SPATA13: variants seen among roughly 807,000 people sequenced by gnomAD.
SPATA13 encodes the protein spermatogenesis associated 13.
A neutral mutation model predicts 104.0 loss-of-function variants in SPATA13; 50 were observed. The observed-to-expected ratio is 0.48, with a 90% CI of 0.38 to 0.61. The LOEUF (loss-of-function observed/expected upper bound fraction) is 0.61, where lower values mean the gene tolerates loss of function less well. Among genes scored for constraint, SPATA13 ranks in the 20% least tolerant of loss-of-function variants. SPATA13 has a pLI of 0.00. For synonymous variants in SPATA13, 606 were observed against 667.5 expected, an observed-to-expected ratio of 0.91 and a Z score of 1.42; for missense variants, 1,524 against 1,690.6, an observed-to-expected ratio of 0.90 and a Z score of 1.73.
At chr13:24,290,363 G>A (rs889917666) in intron 8 of SPATA13, among the ~76,000 whole-genome samples, 3 of 152,202 alleles carry the variant, frequency 2.0e-5, no homozygotes, top group African/African-American at 7.2e-5. Context: ...CTTCCAGGAT[G>A]AGCGTGAGGC....
In SPATA13 at chr13:24,294,873, G is replaced by A; in HGVS notation, c.3210+5G>A. On this transcript the variant is annotated splice_donor_5th_base_variant and intron_variant, in intron 10 of 12. Coordinates refer to ENST00000382108, the MANE Select transcript of SPATA13 (RefSeq NM_001166271.3). Reference sequence around the variant, plus strand: ...GTGTCTATCGTGGGCTGGGAGGTAAGTGGAAAGCACCCCACATGATCCCAT... The same window carrying A: ...GTGTCTATCGTGGGCTGGGAGGTAAATGGAAAGCACCCCACATGATCCCAT... 6.2e-7 allele frequency: 1 copy of A among 1,604,204 alleles called. No individual in the cohort carries two copies.
upstream of SPATA13, among the ~76,000 whole-genome samples, chr13:24,159,500 C>A (rs1882378966): frequency 6.6e-6 from 1 of 152,150 alleles, no homozygotes; most frequent in Non-Finnish European, 1.5e-5. Context: ...CTCCCTCACG[C>A]CCCTCCCTCC....
intron 3 of SPATA13, among the ~76,000 whole-genome samples, chr13:24,044,324 C>T (rs536086570): frequency 6.6e-6 from 1 of 151,182 alleles, no homozygotes; most frequent in East Asian, 2.0e-4. Context: ...TCTCCACCTC[C>T]TGGGTTCAAG....
Position 24,222,471 on chromosome 13 carries a change from A to ATT in SPATA13, c.-111-340_-111-339dup, listed in dbSNP as rs11411217. ...GGTTTTCTTTTGGTATTTCCTAATT[A>ATT]TTTTTTTTTCCATTTCAAATAAGAA... On this transcript the variant is annotated intron_variant, in intron 1 of 12. Coordinates refer to ENST00000382108, the MANE Select transcript of SPATA13 (RefSeq NM_001166271.3). Among the ~76,000 whole-genome samples, 551 of 151,486 alleles carry ATT rather than the reference A, an allele frequency of 3.6e-3. 4 individuals are homozygous for ATT. Among genetic ancestry groups the ATT allele is most frequent in the African/African-American group, 0.012 (502 of 41,260 alleles).
intron 5 of SPATA13, among the ~76,000 whole-genome samples, chr13:24,285,329 G>A (rs1007330980): frequency 1.3e-5 from 2 of 152,184 alleles, no homozygotes; most frequent in African/African-American, 4.8e-5. Flanking sequence ...GGAGGGAGAT[G>A]TGAGGGACTT....
In SPATA13 at chr13:24,123,717, G is replaced by A. The variant is rs117609617; in HGVS notation, c.-111-99102G>A. 1.3e-3 allele frequency: 1,942 copies of A among 1,547,000 alleles called. 53 individuals carry two copies. In the East Asian group the frequency reaches 0.037, roughly 29 times the overall value. ...TTGCCAAAGTTCCTCATCAGCATCTGTATAGCACATCAGTGGAAAAATAAC... is the reference window on the plus strand; with the variant it reads ...TTGCCAAAGTTCCTCATCAGCATCTATATAGCACATCAGTGGAAAAATAAC... On this transcript the variant is annotated intron_variant, in intron 3 of 14. Coordinates refer to the SPATA13 transcript ENST00000424834.
At chr13:23,980,792 A>G (rs1874856315) in intron 1 of SPATA13, among the ~76,000 whole-genome samples, 1 of 152,138 alleles carries the variant, frequency 6.6e-6, no homozygotes, top group Admixed American at 6.5e-5. Flanking sequence ...GGGTTTCACC[A>G]TAATGGCCAG....
At chr13:23,993,986 C>G (rs73162125) in intron 2 of SPATA13, among the ~76,000 whole-genome samples, 1 of 121,962 alleles carries the variant, frequency 8.2e-6, no homozygotes, top group South Asian at 2.7e-4. Context: ...TTTTTTTTTT[C>G]TTTTTTTTTT....
At chr13:24,137,689 G>A (rs538769759) in intron 3 of SPATA13, among the ~76,000 whole-genome samples, 1 of 152,164 alleles carries the variant, frequency 6.6e-6, no homozygotes, top group Non-Finnish European at 1.5e-5. Context: ...AGCCTGGGGG[G>A]CGGAGGTTGC....
intron 2 of SPATA13, among the ~76,000 whole-genome samples, chr13:24,246,993 G>A (rs188718917): frequency 1.3e-5 from 2 of 152,324 alleles, no homozygotes; most frequent in East Asian, 1.9e-4. Context: ...AGGAAAATAC[G>A]TGAGTTTTGT....
chr13:24,171,822 CAG>C (rs1461469492), intron 1 of SPATA13, among the ~76,000 whole-genome samples: 5 of 152,162 alleles, frequency 3.3e-5, no homozygotes, highest in Non-Finnish European at 7.3e-5. Flanking sequence ...ACATCTGACA[CAG>C]AAGAGGCAGA....
At chr13:24,172,400 G>A (rs1883010512) in intron 1 of SPATA13, among the ~76,000 whole-genome samples, 1 of 152,158 alleles carries the variant, frequency 6.6e-6, no homozygotes, top group Non-Finnish European at 1.5e-5. Context: ...AATGGATGAT[G>A]CTTTTGGTAC....
intron 3 of SPATA13, among the ~76,000 whole-genome samples, chr13:24,084,348 A>G (rs1046784099): frequency 6.6e-6 from 1 of 152,200 alleles, no homozygotes; most frequent in South Asian, 2.1e-4. Context: ...GAGCCCGCGC[A>G]TGATGGAGAT....
intron 9 of SPATA13, among the ~76,000 whole-genome samples, chr13:24,293,653 T>C (rs908837836): frequency 4.6e-5 from 7 of 152,250 alleles, no homozygotes; most frequent in African/African-American, 1.2e-4. Context: ...GAAAAACTTA[T>C]TTTGCGACCC....
Position 24,286,393 on chromosome 13 carries a change from A to T in SPATA13, c.2481A>T (p.Arg827Ser). Residue 827 changes from arginine to serine, a missense_variant and splice_region_variant, in exon 6 of 13, where the codon AGA (arginine) becomes AGT (serine). Around this residue, in one of 2 missense-constraint regions of SPATA13, gnomAD observed 1,089 missense variants for 1,135.9 expected, o/e 0.96. Transcript: ENST00000382108. The surrounding 1 kb of genome is among the most constrained non-coding windows in gnomAD (Gnocchi z 4.9). ...CCTGGTTCCCCGCGAGCTTCGTCAG[A>T]GTAAGTGTGGGGTGCTTGCAGCTTT... ...KEAWFPASFV[R>S]LRVNQEELSE... 6.2e-7 allele frequency: 1 copy of T among 1,611,494 alleles called. No homozygotes were observed. The highest frequency in any genetic ancestry group is 1.3e-5 in the African/African-American group (1 of 74,954).
chr13:24,265,951 T>A (rs1291689719), intron 4 of SPATA13, among the ~76,000 whole-genome samples: 1 of 152,118 alleles, frequency 6.6e-6, no homozygotes, highest in Non-Finnish European at 1.5e-5. Flanking sequence ...TCGGAGGTGA[T>A]CATAGAAGAA....
At position 24,297,447 on chromosome 13, in the gene SPATA13, C is replaced by T. The variant is rs751732780; in HGVS notation, c.3295C>T (p.Arg1099Trp). The change falls in exon 11 of 13, where the codon CGG becomes TGG. Residue 1099 changes from arginine to tryptophan, a missense_variant. By Grantham distance (101) the Arg-to-Trp change is moderately radical. Coordinates refer to ENST00000382108, the MANE Select transcript of SPATA13 (RefSeq NM_001166271.3). ...CACTAAGCAAGGCAAAAGCCAGCAGCGGACGTTCTTCCTGTTTGACCACCA... is the reference window on the plus strand; with the variant it reads ...CACTAAGCAAGGCAAAAGCCAGCAGTGGACGTTCTTCCTGTTTGACCACCA... ...KITKQGKSQQ[R>W]TFFLFDHQLV... 2.5e-6 allele frequency: 4 copies of T among 1,614,064 alleles called. No individual in the cohort carries two copies. The highest frequency in any genetic ancestry group is 2.7e-5 in the African/African-American group (2 of 74,912).
intron 3 of SPATA13, among the ~76,000 whole-genome samples, chr13:24,105,889 G>A (rs1050710482): frequency 6.6e-6 from 1 of 152,162 alleles, no homozygotes; most frequent in African/African-American, 2.4e-5. Flanking sequence ...GACACAGGGT[G>A]AAGACGGCCA....
chr13:24,047,680 A>G (rs1331817580), intron 3 of SPATA13, among the ~76,000 whole-genome samples: 1 of 152,218 alleles, frequency 6.6e-6, no homozygotes, highest in African/African-American at 2.4e-5. Flanking sequence ...ATCATTATCA[A>G]TCCTTAGTAT....
Sources: allele counts gnomAD v4.1 joint callset (sites outside exome capture counted in the v4.1 genomes callset), GRCh38; gene constraint gnomAD v4.1.1; regional missense constraint gnomAD v4.1.1; non-coding constraint Gnocchi (gnomAD v3.1); transcripts MANE v1.5; gene names NCBI Gene and HGNC (gene_info 2026-07-23, HGNC 2026-07-21).